Variants in ROR1 observed in about 807,000 individuals in gnomAD.
The protein encoded by ROR1 is inactive tyrosine-protein kinase transmembrane receptor ROR1.
ROR1 carries 19 observed loss-of-function variants against 78.8 expected under a neutral mutation model. The observed-to-expected ratio is 0.24, with a 90% CI of 0.17 to 0.35. ROR1 has a LOEUF of 0.35. Ranked by LOEUF, ROR1 falls within the 10% of genes least tolerant of loss-of-function variation. ROR1 has a pLI of 1.00. For synonymous variants in ROR1, 386 were observed against 433.6 expected, an observed-to-expected ratio of 0.89 and a Z score of 1.36; for missense variants, 917 against 1,177.8, an observed-to-expected ratio of 0.78 and a Z score of 3.24.
At chr1:63,898,339 A>C (rs1021515538) in intron 1 of ROR1, among the ~76,000 whole-genome samples, 6 of 151,754 alleles carry the variant, frequency 4.0e-5, no homozygotes, top group Admixed American at 3.3e-4. Context: ...TTTCTGTTGG[A>C]TGTCGGGCAC....
intron 1 of ROR1, among the ~76,000 whole-genome samples, chr1:63,890,195 G>A (rs1357250924): frequency 1.3e-5 from 2 of 151,844 alleles, no homozygotes; most frequent in African/African-American, 4.8e-5. Flanking sequence ...TCCATACCAA[G>A]CAAATAATCA....
At chr1:64,130,451 G>A (rs559195605) in intron 4 of ROR1, among the ~76,000 whole-genome samples, 2 of 152,212 alleles carry the variant, frequency 1.3e-5, no homozygotes, top group South Asian at 2.1e-4. Context: ...GTCTGCTTTT[G>A]GTGCTCCCGA....
intron 4 of ROR1, among the ~76,000 whole-genome samples, chr1:64,051,458 A>AAAAAAAAAT (rs777847002): frequency 2.8e-4 from 6 of 21,608 alleles, no homozygotes; most frequent in African/African-American, 5.5e-4. Flanking sequence ...TCAAAAATAA[A>AAAAAAAAAT]AAATAAAATA....
At chr1:63,867,775 TA>T (rs1298441899) in intron 1 of ROR1, among the ~76,000 whole-genome samples, 1 of 152,162 alleles carries the variant, frequency 6.6e-6, no homozygotes, top group Non-Finnish European at 1.5e-5. Flanking sequence ...AAAGAAAAAA[TA>T]AATCTAGGAT....
intron 1 of ROR1, among the ~76,000 whole-genome samples, chr1:63,797,745 T>G (rs1329670237): frequency 2.0e-5 from 3 of 152,184 alleles, no homozygotes; most frequent in Non-Finnish European, 4.4e-5. Context: ...TGGTAGTTGA[T>G]AAACACTCAA....
intron 1 of ROR1, among the ~76,000 whole-genome samples, chr1:63,918,257 T>TA (rs1645625551): frequency 6.6e-6 from 1 of 152,174 alleles, no homozygotes; most frequent in African/African-American, 2.4e-5. Flanking sequence ...GAAGGCTGAC[T>TA]ATATTCCACC....
chr1:63,916,562 T>G (rs1260460310), intron 1 of ROR1, among the ~76,000 whole-genome samples: 1 of 152,186 alleles, frequency 6.6e-6, no homozygotes, highest in Non-Finnish European at 1.5e-5. Flanking sequence ...TGAGATAAAA[T>G]AGAGTTTTGA....
intron 4 of ROR1, among the ~76,000 whole-genome samples, chr1:64,080,242 A>G (rs1271308829): frequency 1.3e-5 from 2 of 152,166 alleles, no homozygotes; most frequent in Non-Finnish European, 2.9e-5. Context: ...GCATTTGACA[A>G]TATCTAGAGA....
chr1:64,028,355 A>G (rs1029836341), intron 2 of ROR1, among the ~76,000 whole-genome samples: 4 of 152,142 alleles, frequency 2.6e-5, no homozygotes, highest in Admixed American at 2.0e-4. Context: ...GGTTTGGGGA[A>G]GTTTGGGTAA....
chr1:63,922,613 CT>C (rs1390526820), intron 1 of ROR1, among the ~76,000 whole-genome samples: 3 of 152,168 alleles, frequency 2.0e-5, no homozygotes, highest in African/African-American at 7.2e-5. Context: ...CTACAGCTCA[CT>C]TTTCCTAGGA....
chr1:63,830,994 G>A (rs1254935030), intron 1 of ROR1, among the ~76,000 whole-genome samples: 1 of 152,222 alleles, frequency 6.6e-6, no homozygotes. Flanking sequence ...AAATCTTAAA[G>A]CTCCAAAATA....
chr1:63,981,182 G>A (rs528316078), intron 1 of ROR1, among the ~76,000 whole-genome samples: 8 of 152,210 alleles, frequency 5.3e-5, no homozygotes, highest in East Asian at 2.0e-4. Flanking sequence ...GTTGGCATCC[G>A]TGATCTCATT....
chr1:64,087,711 G>T (rs999968626), intron 4 of ROR1, among the ~76,000 whole-genome samples: 7 of 152,118 alleles, frequency 4.6e-5, no homozygotes, highest in African/African-American at 1.7e-4. Context: ...ATGTAGGGAG[G>T]GGAGCCCTGC....
chr1:64,073,023 G>C (rs1464871855), intron 4 of ROR1, among the ~76,000 whole-genome samples: 1 of 152,146 alleles, frequency 6.6e-6, no homozygotes, highest in Non-Finnish European at 1.5e-5. Flanking sequence ...AACTGCAAGA[G>C]AGCCTTTGGT....
intron 4 of ROR1, among the ~76,000 whole-genome samples, chr1:64,057,942 G>C (rs1014860682): frequency 6.6e-6 from 1 of 152,124 alleles, no homozygotes; most frequent in Non-Finnish European, 1.5e-5. Flanking sequence ...GAGTACTGCT[G>C]TCTCAACAGT....
rs1650458551 is a variant in ROR1 at position 64,178,581 on chromosome 1, A to G, written c.2540A>G (p.His847Arg). Residue 847 changes from histidine (H) to arginine (R), a missense_variant, in exon 9 of 9, where the codon CAC becomes CGC. Physicochemically the swap from His to Arg is conservative, Grantham distance 29 (BLOSUM62 0). This residue lies in a region of ROR1 where 835 missense variants were observed against 1,069.8 expected (regional missense o/e 0.78). Transcript: ENST00000371079. The surrounding 1 kb of genome is among the most constrained non-coding windows in gnomAD (Gnocchi z 4.3). ...QPTGPPRVIQ[H>R]CPPPKSRSPS... ...ACAGGTCCTCCCAGAGTGATTCAGC[A>G]CTGCCCACCTCCCAAGAGTCGGTCC... is the stretch of plus-strand genomic sequence containing the variant. The G allele has an allele frequency of 3.6e-5, 58 of 1,614,192 alleles. 1 individual carries two copies. The highest frequency in any genetic ancestry group is 4.8e-5 in the Non-Finnish European group (57 of 1,180,042).
At chr1:63,946,411 T>C (rs1296810485) in intron 1 of ROR1, among the ~76,000 whole-genome samples, 1 of 152,206 alleles carries the variant, frequency 6.6e-6, no homozygotes, top group African/African-American at 2.4e-5. Flanking sequence ...ATATTGCCTC[T>C]AACTTTGTTT....
chr1:63,838,725 A>C (rs1001629294), intron 1 of ROR1, among the ~76,000 whole-genome samples: 3 of 152,182 alleles, frequency 2.0e-5, no homozygotes, highest in Non-Finnish European at 2.9e-5. Flanking sequence ...TAAAGCCTAC[A>C]GTAGTGTATA....
chr1:64,007,832 A>T (rs1374126331), intron 1 of ROR1, among the ~76,000 whole-genome samples: 1 of 152,130 alleles, frequency 6.6e-6, no homozygotes, highest in Non-Finnish European at 1.5e-5. Flanking sequence ...TATTAAATTT[A>T]TTAGTCTAAG....
Sources: allele counts gnomAD v4.1 joint callset (sites outside exome capture counted in the v4.1 genomes callset), GRCh38; gene constraint gnomAD v4.1.1; regional missense constraint gnomAD v4.1.1; non-coding constraint Gnocchi (gnomAD v3.1); transcripts MANE v1.5; gene names NCBI Gene and HGNC (gene_info 2026-07-23, HGNC 2026-07-21).